Variants in SMOC1 observed in about 807,000 individuals in gnomAD.
SMOC1 encodes SPARC related modular calcium binding 1, also known as SPARC-related modular calcium-binding protein 1.
In SMOC1, 22 loss-of-function variants were observed where a neutral mutation model predicts 56.3. That is an observed-to-expected ratio of 0.39 (90% CI 0.28 to 0.56). The LOEUF is 0.56. Among genes scored for constraint, SMOC1 ranks in the 20% least tolerant of loss-of-function variants. The probability of loss-of-function intolerance (pLI) is 0.61; values close to 1 mark genes in which losing one functional copy is unlikely to be tolerated. For missense variants in SMOC1, 509 were observed against 565.4 expected, an observed-to-expected ratio of 0.90 and a Z score of 1.01; for synonymous variants, 193 against 215.0, an observed-to-expected ratio of 0.90 and a Z score of 0.89.
chr14:69,892,636 G>C (rs1883993453), intron 1 of SMOC1, among the ~76,000 whole-genome samples: 2 of 152,090 alleles, frequency 1.3e-5, no homozygotes, highest in South Asian at 4.1e-4. Flanking sequence ...GGCCAATCTT[G>C]TTTCTTCTAC....
chr14:70,009,373 G>A (rs1409966558), intron 7 of SMOC1, among the ~76,000 whole-genome samples: 1 of 152,134 alleles, frequency 6.6e-6, no homozygotes, highest in Non-Finnish European at 1.5e-5. Context: ...GTGTCTCTGT[G>A]TACTCCTATG....
intron 3 of SMOC1, among the ~76,000 whole-genome samples, chr14:69,970,332 G>A (rs937398800): frequency 6.6e-6 from 1 of 152,152 alleles, no homozygotes; most frequent in African/African-American, 2.4e-5. Flanking sequence ...GGTACTGGGA[G>A]CCAACTACTA....
At chr14:69,943,835 T>C (rs1882675264) in intron 1 of SMOC1, among the ~76,000 whole-genome samples, 1 of 152,236 alleles carries the variant, frequency 6.6e-6, no homozygotes, top group South Asian at 2.1e-4. Context: ...TCTTCTGTTC[T>C]CCTGGGGGCA....
At chr14:69,885,978 C>T (rs1883795791) in intron 1 of SMOC1, 1 of 1,588,464 alleles carries the variant, frequency 6.3e-7, no homozygotes, top group Non-Finnish European at 8.6e-7. Context: ...GGCCATTTCA[C>T]AAAGCGGGTG....
chr14:69,949,760 C>A (rs185554589), intron 1 of SMOC1, among the ~76,000 whole-genome samples: 432 of 152,204 alleles, frequency 2.8e-3, no homozygotes, highest in Non-Finnish European at 4.1e-3. Flanking sequence ...CAAGGGGGAG[C>A]AGGGAAGAGA....
intron 3 of SMOC1, among the ~76,000 whole-genome samples, chr14:69,970,937 C>T (rs1883742407): frequency 6.6e-6 from 1 of 152,136 alleles, no homozygotes; most frequent in Non-Finnish European, 1.5e-5. Context: ...GGCTTCTTGC[C>T]AAAAATATTA....
chr14:70,011,174 C>T (rs1397797556), intron 8 of SMOC1, among the ~76,000 whole-genome samples: 8 of 152,156 alleles, frequency 5.3e-5, no homozygotes, highest in Admixed American at 3.3e-4. Flanking sequence ...CCTCTCTGAA[C>T]GTCAGTTTCC....
chr14:69,911,106 A>T (rs2139346772), intron 1 of SMOC1, among the ~76,000 whole-genome samples: 1 of 152,310 alleles, frequency 6.6e-6, no homozygotes, highest in East Asian at 1.9e-4. Context: ...TGTATGGCGC[A>T]GCATACAATA....
chr14:70,011,466 C>CCAAAAAA lies in SMOC1; in HGVS notation c.858-19_858-18insCAAAAAA. On this transcript the variant is annotated intron_variant, in intron 8 of 11. Transcript: ENST00000361956. The stretch of plus-strand genomic sequence containing the variant: ...GTTGCCAGCCCCTCCCAACCCCCCC[C>CCAAAAAA]ATATCTCTCTTTTCCCAGCTACGTG... 1 of 1,561,710 alleles carries CCAAAAAA rather than the reference C, an allele frequency of 6.4e-7. No individual in the cohort carries two copies.
At chr14:69,961,415 C>T (rs556251330) in intron 3 of SMOC1, among the ~76,000 whole-genome samples, 2 of 151,034 alleles carry the variant, frequency 1.3e-5, no homozygotes, top group African/African-American at 2.4e-5. Context: ...GGGTCTCGCT[C>T]TGTTGCCCAG....
intron 5 of SMOC1, among the ~76,000 whole-genome samples, chr14:69,985,729 GTGAC>G (rs987906135): frequency 1.9e-4 from 29 of 152,318 alleles, no homozygotes; most frequent in Admixed American, 1.5e-3. Flanking sequence ...TACCCTCCCT[GTGAC>G]TTGGGGCCAG....
At chr14:69,916,475 C>A (rs1428348888) in intron 1 of SMOC1, among the ~76,000 whole-genome samples, 3 of 152,184 alleles carry the variant, frequency 2.0e-5, no homozygotes, top group African/African-American at 7.2e-5. Flanking sequence ...ATTCACTCCT[C>A]TGCTGCCCAT....
chr14:69,955,727 A>G (rs1883161453), intron 3 of SMOC1, among the ~76,000 whole-genome samples: 1 of 152,164 alleles, frequency 6.6e-6, no homozygotes, highest in African/African-American at 2.4e-5. Context: ...AAAATCCCCA[A>G]GTTGGAAAAT....
At chr14:70,017,782 C>T (rs1431423800) in intron 10 of SMOC1, among the ~76,000 whole-genome samples, 1 of 152,156 alleles carries the variant, frequency 6.6e-6, no homozygotes, top group Non-Finnish European at 1.5e-5. Context: ...ACAGAACAAC[C>T]ATATGACTGC....
At chr14:70,028,467 T>C (rs559643837) in intron 11 of SMOC1, among the ~76,000 whole-genome samples, 6 of 152,192 alleles carry the variant, frequency 3.9e-5, no homozygotes, top group Non-Finnish European at 7.3e-5. Flanking sequence ...AAGCTTCAGT[T>C]TCATCATCCT....
At chr14:69,905,444 C>T (rs77366373) in intron 1 of SMOC1, among the ~76,000 whole-genome samples, 1 of 152,130 alleles carries the variant, frequency 6.6e-6, no homozygotes, top group African/African-American at 2.4e-5. Context: ...GGACAAGGCA[C>T]CTACACACAA....
chr14:69,978,280 C>T (rs148337052), intron 5 of SMOC1, among the ~76,000 whole-genome samples: 1 of 152,272 alleles, frequency 6.6e-6, no homozygotes, highest in African/African-American at 2.4e-5. Flanking sequence ...CCAGTGTAGC[C>T]AGCATTAAAC....
At chr14:69,985,450 G>A (rs113951832) in intron 5 of SMOC1, among the ~76,000 whole-genome samples, 3 of 152,046 alleles carry the variant, frequency 2.0e-5, no homozygotes, top group Non-Finnish European at 2.9e-5. Context: ...ACCTGTACAC[G>A]AACAAGAAGC....
chr14:69,955,265 G>A (rs140451521), intron 3 of SMOC1, among the ~76,000 whole-genome samples: 1 of 152,234 alleles, frequency 6.6e-6, no homozygotes, highest in African/African-American at 2.4e-5. Context: ...GCTCTGAGGT[G>A]TGTTCTGGAA....
Sources: allele counts gnomAD v4.1 joint callset (sites outside exome capture counted in the v4.1 genomes callset), GRCh38; gene constraint gnomAD v4.1.1; transcripts MANE v1.5; gene names NCBI Gene and HGNC (gene_info 2026-07-23, HGNC 2026-07-21).